PTPN13: variants seen among roughly 807,000 people sequenced by gnomAD.
PTPN13 encodes protein tyrosine phosphatase non-receptor type 13, also known as tyrosine-protein phosphatase non-receptor type 13.
A neutral mutation model predicts 284.0 loss-of-function variants in PTPN13; 191 were observed. That is an observed-to-expected ratio of 0.67 (90% CI 0.60 to 0.76). The LOEUF (loss-of-function observed/expected upper bound fraction) is 0.76, where lower values mean the gene tolerates loss of function less well. PTPN13 is among the 30% of genes least tolerant of loss of function. The pLI, the probability that PTPN13 is intolerant of heterozygous loss-of-function variation, is 0.00. For synonymous variants in PTPN13, 986 were observed against 1,022.3 expected (o/e 0.96, Z 0.68); for missense variants, 2,797 against 2,939.9 (o/e 0.95, Z 1.12).
chr4:86,723,368 C>T (rs13117481), intron 10 of PTPN13, among the ~76,000 whole-genome samples: 12,440 of 152,214 alleles, frequency 0.082, 646 homozygotes, highest in Non-Finnish European at 0.11. Flanking sequence ...TAGATTCTCA[C>T]AGGAGCATGA....
chr4:86,738,775 G>A (rs1206078982), intron 15 of PTPN13, among the ~76,000 whole-genome samples: 1 of 152,014 alleles, frequency 6.6e-6, no homozygotes, highest in East Asian at 1.9e-4. Context: ...CCACCTCCCA[G>A]GCTCAAGTGA....
chr4:86,784,457 T>C lies in PTPN13; in HGVS notation c.6025-8T>C. On this transcript the variant is annotated splice_region_variant and splice_polypyrimidine_tract_variant and intron_variant, in intron 37 of 47. Coordinates refer to ENST00000411767, the MANE Select transcript of PTPN13 (RefSeq NM_080683.3). ...TATCTGATGATTTGCTTTGGTTTTATGCTTTAGGTTGCTGGGGAAGAAATA... is the reference window on the plus strand; with the variant it reads ...TATCTGATGATTTGCTTTGGTTTTACGCTTTAGGTTGCTGGGGAAGAAATA... 1 of 1,592,738 alleles carries C rather than the reference T, an allele frequency of 6.3e-7. No individual in the cohort carries two copies. Among genetic ancestry groups the C allele is most frequent in the Non-Finnish European group, 8.6e-7 (1 of 1,168,456 alleles).
In PTPN13 at chr4:86,701,427, C is replaced by T; in HGVS notation, c.821C>T (p.Pro274Leu). Residue 274 changes from proline to leucine, a missense_variant, in exon 7 of 48, where the codon CCT becomes CTT. Coordinates refer to ENST00000411767, the MANE Select transcript of PTPN13 (RefSeq NM_080683.3). ...GREDSENTFS[P>L]YQFKTSGPEK... ...GAAGATTCTGAAAATACATTCTCCC[C>T]TTACCAGTTCAAAACTAGTGGCCCA... The T allele has an allele frequency of 6.2e-7, 1 of 1,613,736 alleles. No homozygotes were observed. Among genetic ancestry groups the T allele is most frequent in the Non-Finnish European group, 8.5e-7 (1 of 1,179,758 alleles).
intron 1 of PTPN13, among the ~76,000 whole-genome samples, chr4:86,611,250 C>G (rs903375179): frequency 1.3e-5 from 2 of 152,178 alleles, no homozygotes; most frequent in Admixed American, 6.6e-5. Flanking sequence ...ACATTCTTCC[C>G]CATAGCATTA....
intron 2 of PTPN13, among the ~76,000 whole-genome samples, chr4:86,664,212 G>A (rs926895377): frequency 6.6e-6 from 1 of 152,152 alleles, no homozygotes; most frequent in Non-Finnish European, 1.5e-5. Context: ...GTCAGACATT[G>A]TAAATAAGTT....
chr4:86,764,836 C>T (rs2149255091), intron 25 of PTPN13, 112 bp downstream of exon 25: 2 of 1,181,668 alleles, frequency 1.7e-6, no homozygotes, highest in African/African-American at 1.6e-5. Context: ...CATCAAATAC[C>T]TCCAAAATTC....
chr4:86,603,407 G>T (rs1450985221), intron 1 of PTPN13, among the ~76,000 whole-genome samples: 3 of 152,024 alleles, frequency 2.0e-5, no homozygotes, highest in Non-Finnish European at 4.4e-5. Context: ...ATCTTATGTT[G>T]CTATGCTTCT....
Position 86,753,075 on chromosome 4 carries a change from CAA to C in PTPN13, c.3223+13_3223+14del, listed in dbSNP as rs748334611. On this transcript the variant is annotated intron_variant, in intron 20 of 47. Transcript: ENST00000411767. ...CCCTTAAAAGAAAATGGTAGGTTTA[CAA>C]AATGTTTTTCCCCTCATTTCCATCA... The C allele has an allele frequency of 5.5e-5, 88 of 1,596,556 alleles. No individual in the cohort carries two copies. The highest frequency in any genetic ancestry group is 5.4e-5 in the Non-Finnish European group (63 of 1,166,188).
intron 2 of PTPN13, 107 bp from the exon 3 acceptor site, chr4:86,672,258 A>T: frequency 6.5e-6 from 6 of 919,616 alleles, no homozygotes; most frequent in Non-Finnish European, 9.5e-6. Flanking sequence ...ACATCTATAC[A>T]AATAGGCTGC....
At position 86,811,037 on chromosome 4, in the gene PTPN13, C is replaced by T. The variant is rs747432512; in HGVS notation, c.7300-9C>T. 2.5e-6 allele frequency: 4 copies of T among 1,611,960 alleles called. No individual in the cohort carries two copies. Among genetic ancestry groups the T allele is most frequent in the Non-Finnish European group, 3.4e-6 (4 of 1,178,300 alleles). ...TTGAATCTAACACATATGTGGTTTC[C>T]TCTGACAGTTTGACATCTCTGATTT... On this transcript the variant is annotated splice_polypyrimidine_tract_variant and intron_variant, in intron 46 of 47. Coordinates refer to ENST00000411767, the MANE Select transcript of PTPN13 (RefSeq NM_080683.3).
rs33992132 is a variant in PTPN13, at chr4:86,714,068, C to CAA, written c.1196-2447_1196-2446dup. Among the ~76,000 whole-genome samples, 21 of 108,894 alleles carry CAA rather than the reference C, an allele frequency of 1.9e-4. No homozygotes were observed. The South Asian group carries it at 2.5e-3, about 13-fold the overall frequency. 71.4% of individuals were successfully genotyped at this position (108,894 alleles called of 152,430 possible). A position where few individuals can be genotyped will look rare whatever the true frequency, so the allele number is the denominator to read the frequency against. On this transcript the variant is annotated intron_variant, in intron 7 of 47. Coordinates refer to ENST00000411767, the MANE Select transcript of PTPN13 (RefSeq NM_080683.3). Reference sequence around the variant, plus strand: ...TCCCAGGGTCTCCTTTCTTCAGTGTCAAAAAAAAAAAAAAAAGACACAAGA... The same window carrying CAA: ...TCCCAGGGTCTCCTTTCTTCAGTGTCAAAAAAAAAAAAAAAAAAGACACAAGA...
At chr4:86,638,137 C>T (rs1723268256) in intron 2 of PTPN13, among the ~76,000 whole-genome samples, 1 of 152,142 alleles carries the variant, frequency 6.6e-6, no homozygotes, top group Non-Finnish European at 1.5e-5. Context: ...TGAAGGACCT[C>T]TTCAAGGAGA....
chr4:86,765,573 C>A, intron 26 of PTPN13, 85 bp downstream of exon 26: 1 of 882,478 alleles, frequency 1.1e-6, no homozygotes, highest in South Asian at 1.9e-5. Flanking sequence ...AACTGACCTT[C>A]AAATTCATGA....
In PTPN13 at chr4:86,666,413, T is replaced by TTCTCTCTC. The variant is rs1009638789; in HGVS notation, c.116-5946_116-5939dup. On this transcript the variant is annotated intron_variant, in intron 2 of 47. Coordinates refer to ENST00000411767, the MANE Select transcript of PTPN13 (RefSeq NM_080683.3). ...CTCTCTCTTCTCTCTCTTCTCTCTCTTCTCTCTCTCTCTTTAGAAGAGCAG... is the reference window on the plus strand; with the variant it reads ...CTCTCTCTTCTCTCTCTTCTCTCTCTTCTCTCTCTCTCTCTCTCTCTTTAGAAGAGCAG... Among the ~76,000 whole-genome samples, 4 of 151,796 alleles carry TTCTCTCTC rather than the reference T, an allele frequency of 2.6e-5. No homozygotes were observed. In the South Asian group the frequency reaches 8.3e-4, roughly 32 times the overall value.
intron 1 of PTPN13, among the ~76,000 whole-genome samples, chr4:86,600,637 A>T (rs79676809): frequency 0.046 from 7,046 of 151,916 alleles, 221 homozygotes; most frequent in African/African-American, 0.06. Context: ...GGTTAGAATG[A>T]TTATATAACC....
At chr4:86,787,952 C>G (rs1308252103) in intron 40 of PTPN13, among the ~76,000 whole-genome samples, 1 of 152,122 alleles carries the variant, frequency 6.6e-6, no homozygotes, top group African/African-American at 2.4e-5. Context: ...TGTCTTGCCA[C>G]TGGAGTACAG....
At chr4:86,639,968 T>A (rs184931618) in intron 2 of PTPN13, among the ~76,000 whole-genome samples, 19 of 152,244 alleles carry the variant, frequency 1.2e-4, no homozygotes, top group Non-Finnish European at 2.2e-4. Flanking sequence ...ATTTATAGGA[T>A]AGAGTTTCTA....
intron 39 of PTPN13, among the ~76,000 whole-genome samples, chr4:86,785,608 G>T (rs1374533904): frequency 6.6e-6 from 1 of 151,948 alleles, no homozygotes; most frequent in East Asian, 1.9e-4. Context: ...TTTACTTCTA[G>T]TAGGGTTAGT....
intron 2 of PTPN13, among the ~76,000 whole-genome samples, chr4:86,668,602 T>G (rs1314467399): frequency 6.6e-6 from 1 of 151,916 alleles, no homozygotes; most frequent in Non-Finnish European, 1.5e-5. Flanking sequence ...TTCTTTCTTT[T>G]CTTTTTTTCT....
Sources: gnomAD v4.1 joint callset for allele counts (sites outside exome capture counted in the v4.1 genomes callset) on GRCh38, gnomAD v4.1.1 for gene constraint, MANE v1.5 for transcripts, NCBI Gene and HGNC (gene_info 2026-07-23, HGNC 2026-07-21) for gene names.